The following WWP1 variants were observed in gnomAD, a reference collection of about 807,000 sequenced individuals.
WWP1 encodes WW domain containing E3 ubiquitin protein ligase 1.
Under a neutral mutation model 130.6 loss-of-function variants are expected in WWP1, and 49 were observed. That is an observed-to-expected ratio of 0.38 (90% CI 0.30 to 0.48). WWP1 has a LOEUF of 0.48. Among genes scored for constraint, WWP1 ranks in the 20% least tolerant of loss-of-function variants. WWP1 has a pLI of 0.99. For missense variants in WWP1, 809 were observed against 1,100.6 expected (o/e 0.74, Z 3.75); for synonymous variants, 332 against 367.8 (o/e 0.90, Z 1.11).
In WWP1 at chr8:86,402,006, T is replaced by G. The variant is rs1315300033; in HGVS notation, c.540-13T>G. Reference sequence around the variant, plus strand: ...ATACTTAAATGATTGAAATAAGGCATTTTTTTTTCAAGGTTGGCTGTTGAA... The same window carrying G: ...ATACTTAAATGATTGAAATAAGGCAGTTTTTTTTCAAGGTTGGCTGTTGAA... On this transcript the variant is annotated splice_polypyrimidine_tract_variant and intron_variant, in intron 7 of 24. Coordinates refer to ENST00000517970, the MANE Select transcript of WWP1 (RefSeq NM_007013.4). 4.0e-6 allele frequency: 6 copies of G among 1,502,756 alleles called. No homozygotes were observed. Among genetic ancestry groups the G allele is most frequent in the Middle Eastern group, 1.8e-4 (1 of 5,458 alleles). The allele number at this position is 1,502,756 out of a possible 1,614,324, so 93.1% of individuals were successfully genotyped here.
intron 2 of WWP1, among the ~76,000 whole-genome samples, chr8:86,372,411 TG>T (rs1824373124): frequency 6.6e-6 from 1 of 152,160 alleles, no homozygotes; most frequent in Admixed American, 6.5e-5. Context: ...CCACCCGCCT[TG>T]GCCTGCCAAA....
At chr8:86,387,710 G>A (rs1187963304) in intron 5 of WWP1, among the ~76,000 whole-genome samples, 1 of 152,080 alleles carries the variant, frequency 6.6e-6, no homozygotes, top group Non-Finnish European at 1.5e-5. Flanking sequence ...TTTTGGTAGA[G>A]ATGGGGTTTC....
rs568610819 is a variant in WWP1, at chr8:86,384,419, A to T, written c.334+2790A>T. 7.9e-5 allele frequency among the ~76,000 whole-genome samples: 12 copies of T among 152,348 alleles called. No individual in the cohort carries two copies. The East Asian group carries it at 2.3e-3, about 29-fold the overall frequency. ...AAAATAATTTAAAGTAATTAAAATT[A>T]GATTTTAATTTAAGTAAGTTGGTCA... is the stretch of plus-strand genomic sequence containing the variant. On this transcript the variant is annotated intron_variant, in intron 5 of 24. Transcript: ENST00000517970.
chr8:86,395,229 G>A (rs745816824), intron 5 of WWP1, among the ~76,000 whole-genome samples: 9 of 152,138 alleles, frequency 5.9e-5, no homozygotes, highest in Non-Finnish European at 5.9e-5. Context: ...CATAAGCAGA[G>A]GTTGTCCATA....
At chr8:86,459,435 A>T (rs1811641085) in intron 22 of WWP1, among the ~76,000 whole-genome samples, 1 of 152,150 alleles carries the variant, frequency 6.6e-6, no homozygotes, top group African/African-American at 2.4e-5. Context: ...CAATGTGTAT[A>T]ATATGGTGCT....
intron 1 of WWP1, among the ~76,000 whole-genome samples, chr8:86,358,225 T>C (rs115227766): frequency 6.6e-6 from 1 of 152,130 alleles, no homozygotes; most frequent in East Asian, 1.9e-4. Context: ...AGATGAAATA[T>C]TGGTGAGGTG....
intron 21 of WWP1, among the ~76,000 whole-genome samples, chr8:86,456,060 G>A (rs1361939178): frequency 6.6e-6 from 1 of 151,868 alleles, no homozygotes; most frequent in Non-Finnish European, 1.5e-5. Context: ...ATATCCATAT[G>A]GAAGAAAATT....
rs774514461 is a variant in WWP1, at chr8:86,427,734, G to T, written c.1249G>T (p.Val417Phe). 6.2e-7 allele frequency: 1 copy of T among 1,614,076 alleles called. No individual in the cohort carries two copies. Residue 417 changes from valine (V) to phenylalanine (F), a missense_variant, in exon 11 of 25, where the codon GTC (valine) becomes TTC (phenylalanine). Val to Phe is a conservative substitution (Grantham distance 50). Coordinates refer to ENST00000517970, the MANE Select transcript of WWP1 (RefSeq NM_007013.4). Reference sequence around the variant, plus strand: ...GTGGCAGCGGCCTACCATGGAATCTGTCCGAAATTTTGAACAGTGGCAATC... The same window carrying T: ...GTGGCAGCGGCCTACCATGGAATCTTTCCGAAATTTTGAACAGTGGCAATC... The part of the protein sequence containing the change: ...TTWQRPTMES[V>F]RNFEQWQSQR...
chr8:86,400,340 A>T (rs1226172635), intron 7 of WWP1, among the ~76,000 whole-genome samples: 1 of 151,100 alleles, frequency 6.6e-6, no homozygotes, highest in African/African-American at 2.4e-5. Context: ...CTCGGGGGGA[A>T]AAAAATAAAT....
chr8:86,373,432 C>G (rs1824448081), intron 2 of WWP1, among the ~76,000 whole-genome samples: 1 of 152,020 alleles, frequency 6.6e-6, no homozygotes, highest in African/African-American at 2.4e-5. Context: ...CAACAATGGC[C>G]AATTTGTCAA....
chr8:86,441,198 TTA>T (rs1477335495), intron 17 of WWP1, among the ~76,000 whole-genome samples: 1 of 152,178 alleles, frequency 6.6e-6, no homozygotes, highest in Non-Finnish European at 1.5e-5. Context: ...ATTCCTAGTT[TTA>T]TATATGTGTC....
intron 14 of WWP1, among the ~76,000 whole-genome samples, chr8:86,433,397 C>T (rs1810103710): frequency 6.6e-6 from 1 of 151,958 alleles, no homozygotes; most frequent in Non-Finnish European, 1.5e-5. Flanking sequence ...CCACTTGTAA[C>T]TCCTTCTTGG....
At chr8:86,361,721 C>T (rs942411259) in intron 1 of WWP1, among the ~76,000 whole-genome samples, 2 of 152,022 alleles carry the variant, frequency 1.3e-5, no homozygotes, top group African/African-American at 4.8e-5. Context: ...CACAACTCAT[C>T]TCAACTGTTA....
chr8:86,376,302 C>A (rs958865172), intron 3 of WWP1, among the ~76,000 whole-genome samples: 1 of 152,210 alleles, frequency 6.6e-6, no homozygotes, highest in Admixed American at 6.5e-5. Context: ...GGCGCGGTGG[C>A]TCATGCCTGT....
At chr8:86,450,164 T>G (rs1811098142) in intron 20 of WWP1, among the ~76,000 whole-genome samples, 1 of 152,180 alleles carries the variant, frequency 6.6e-6, no homozygotes, top group South Asian at 2.1e-4. Flanking sequence ...ATTTACCCCC[T>G]TAGTGTCTCT....
intron 24 of WWP1, among the ~76,000 whole-genome samples, chr8:86,465,493 G>A (rs2130150297): frequency 6.6e-6 from 1 of 152,226 alleles, no homozygotes; most frequent in Middle Eastern, 3.4e-3. Context: ...GGCCATGGTG[G>A]CATGCGCCTG....
chr8:86,458,064 A>G lies in WWP1; in HGVS notation c.2499+39A>G, dbSNP rs1332466432. 10 of 1,504,764 alleles carry G rather than the reference A, an allele frequency of 6.6e-6. No homozygotes were observed. The African/African-American group carries it at 8.3e-5, about 12-fold the overall frequency. 93.2% of individuals were successfully genotyped at this position (1,504,764 alleles called of 1,614,324 possible). On this transcript the variant is annotated intron_variant, in intron 22 of 24. Coordinates refer to ENST00000517970, the MANE Select transcript of WWP1 (RefSeq NM_007013.4). ...TCTTTTTTGAAACAAAGTACTCAAC[A>G]TATTTTCTAATGAAATGGTGGTTTT...
chr8:86,389,616 C>G (rs1310870576), intron 5 of WWP1, among the ~76,000 whole-genome samples: 4 of 152,242 alleles, frequency 2.6e-5, no homozygotes, highest in Non-Finnish European at 4.4e-5. Flanking sequence ...TCCCCCTTTT[C>G]TATTCGACAA....
At chr8:86,412,416 T>G (rs1284152091) in intron 9 of WWP1, among the ~76,000 whole-genome samples, 1 of 152,238 alleles carries the variant, frequency 6.6e-6, no homozygotes, top group African/African-American at 2.4e-5. Flanking sequence ...GTATTCTATA[T>G]GTGTATTCCA....
Sources: allele counts gnomAD v4.1 joint callset (sites outside exome capture counted in the v4.1 genomes callset), GRCh38; gene constraint gnomAD v4.1.1; transcripts MANE v1.5; gene names NCBI Gene and HGNC (gene_info 2026-07-23, HGNC 2026-07-21).